Variants in HMGCLL1 observed in about 807,000 individuals in gnomAD.
HMGCLL1 encodes 3-hydroxymethyl-3-methylglutaryl-CoA lyase, cytoplasmic.
HMGCLL1 carries 36 observed loss-of-function variants against 39.1 expected under a neutral mutation model. The ratio of observed to expected loss-of-function variants is 0.92; its 90% CI spans 0.71 to 1.22. The LOEUF (loss-of-function observed/expected upper bound fraction) is 1.22. Among genes scored for constraint, HMGCLL1 ranks in the 50% most tolerant of loss-of-function variants. The pLI is 0.00. For missense variants in HMGCLL1, 451 were observed against 416.5 expected, an observed-to-expected ratio of 1.08 and a Z score of -0.72; for synonymous variants, 149 against 144.0, an observed-to-expected ratio of 1.03 and a Z score of -0.25.
At chr6:55,577,512 G>A (rs934268132) in intron 1 of HMGCLL1, among the ~76,000 whole-genome samples, 11 of 152,114 alleles carry the variant, frequency 7.2e-5, no homozygotes, top group East Asian at 1.9e-4. Context: ...TTTATTTCTC[G>A]GGAATCCTAG....
chr6:55,633,619 G>A, the HMGCLL1 span, among the ~76,000 whole-genome samples: 1 of 151,888 alleles, frequency 6.6e-6, no homozygotes, highest in Admixed American at 6.6e-5. Flanking sequence ...CAGACATCAG[G>A]GAATCACTGT....
At chr6:55,632,444 T>C in the HMGCLL1 span, among the ~76,000 whole-genome samples, 2 of 150,768 alleles carry the variant, frequency 1.3e-5, no homozygotes, top group East Asian at 3.9e-4. Flanking sequence ...TATAAATATG[T>C]TTCATATAAA....
At chr6:55,605,868 C>A in the HMGCLL1 span, among the ~76,000 whole-genome samples, 11 of 152,202 alleles carry the variant, frequency 7.2e-5, no homozygotes, top group East Asian at 1.9e-4. Context: ...GTTACGTAGA[C>A]CTTAGGGCCA....
At chr6:55,472,040 C>T (rs78468606) in intron 7 of HMGCLL1, among the ~76,000 whole-genome samples, 2 of 151,588 alleles carry the variant, frequency 1.3e-5, no homozygotes, top group Non-Finnish European at 3.0e-5. Flanking sequence ...AATCTATGTA[C>T]AAATTTTATT....
intron 3 of HMGCLL1, among the ~76,000 whole-genome samples, chr6:55,517,561 T>C (rs1367294470): frequency 6.6e-6 from 1 of 152,022 alleles, no homozygotes; most frequent in Non-Finnish European, 1.5e-5. Flanking sequence ...TTTCTTTATA[T>C]AACTTGGTTT....
intron 7 of HMGCLL1, among the ~76,000 whole-genome samples, chr6:55,460,040 C>T (rs1232781498): frequency 6.6e-6 from 1 of 151,930 alleles, no homozygotes; most frequent in Non-Finnish European, 1.5e-5. Flanking sequence ...TGTTATTGCT[C>T]AGTATTTTAG....
the HMGCLL1 span, among the ~76,000 whole-genome samples, chr6:55,590,446 C>T: frequency 1.3e-5 from 2 of 152,112 alleles, no homozygotes; most frequent in South Asian, 4.1e-4. Context: ...ACCATAAAAG[C>T]CCTAGAAGAA....
At chr6:55,505,566 G>A (rs1466652287) in intron 5 of HMGCLL1, among the ~76,000 whole-genome samples, 2 of 151,568 alleles carry the variant, frequency 1.3e-5, no homozygotes, top group Non-Finnish European at 3.0e-5. Flanking sequence ...GCATCCAGGA[G>A]TAATTCTGCT....
intron 7 of HMGCLL1, among the ~76,000 whole-genome samples, chr6:55,486,434 C>T (rs952411955): frequency 4.6e-5 from 7 of 151,864 alleles, no homozygotes; most frequent in African/African-American, 1.2e-4. Context: ...CACAATATTT[C>T]GGGGGGCAAC....
the HMGCLL1 span, among the ~76,000 whole-genome samples, chr6:55,650,090 CATATATATATAT>C: frequency 0.19 from 9,780 of 52,070 alleles, 956 homozygotes; most frequent in African/African-American, 0.25. Flanking sequence ...CACACATATA[CATATATATATAT>C]ATATATATAT....
intron 7 of HMGCLL1, among the ~76,000 whole-genome samples, chr6:55,488,636 G>GA (rs894623454): frequency 5.3e-5 from 8 of 151,216 alleles, no homozygotes; most frequent in East Asian, 1.9e-4. Context: ...TAAGTAAATG[G>GA]AAAAAAAACT....
chr6:55,444,529 T>C (rs769407713), intron 7 of HMGCLL1, among the ~76,000 whole-genome samples: 9 of 151,974 alleles, frequency 5.9e-5, no homozygotes, highest in Non-Finnish European at 1.3e-4. Flanking sequence ...TTTAACTGCA[T>C]GATTAAGGGA....
chr6:55,583,735 G>T (rs1286058760), upstream of HMGCLL1, among the ~76,000 whole-genome samples: 1 of 152,004 alleles, frequency 6.6e-6, no homozygotes, highest in Non-Finnish European at 1.5e-5. Context: ...ATCTTTCATG[G>T]GTTATTGAAA....
At chr6:55,654,484 G>A in the HMGCLL1 span, among the ~76,000 whole-genome samples, 2 of 151,872 alleles carry the variant, frequency 1.3e-5, no homozygotes, top group African/African-American at 4.8e-5. Context: ...CCACCATAAT[G>A]TCATCTATCG....
intron 1 of HMGCLL1, chr6:55,577,031 TCACAC>T: frequency 6.2e-7 from 1 of 1,608,180 alleles, no homozygotes; most frequent in East Asian, 2.2e-5. Flanking sequence ...TCACTCAAAC[TCACAC>T]TAGGAAGAGT....
At chr6:55,471,513 A>G (rs957508103) in intron 7 of HMGCLL1, among the ~76,000 whole-genome samples, 16 of 151,716 alleles carry the variant, frequency 1.1e-4, no homozygotes, top group Non-Finnish European at 2.1e-4. Flanking sequence ...ATCTTTACCA[A>G]CATTAGATAC....
chr6:55,499,177 T>C, intron 6 of HMGCLL1, 59 bp downstream of exon 6: 2 of 1,348,426 alleles, frequency 1.5e-6, no homozygotes, highest in Non-Finnish European at 2.1e-6. Context: ...GAAAGCCCCC[T>C]TTTAAAAATA....
At chr6:55,486,380 A>G (rs1766029399) in intron 7 of HMGCLL1, among the ~76,000 whole-genome samples, 1 of 152,080 alleles carries the variant, frequency 6.6e-6, no homozygotes, top group Non-Finnish European at 1.5e-5. Context: ...GCCTTCCAGA[A>G]GTCTACTTGC....
At chr6:55,516,304 C>T (rs1308581433) in intron 4 of HMGCLL1, among the ~76,000 whole-genome samples, 9 of 152,042 alleles carry the variant, frequency 5.9e-5, no homozygotes, top group Admixed American at 2.0e-4. Flanking sequence ...GATTTTTGAA[C>T]GGTGAAGCTG....
Sources: gnomAD v4.1 joint callset for allele counts (sites outside exome capture counted in the v4.1 genomes callset) on GRCh38, gnomAD v4.1.1 for gene constraint, MANE v1.5 for transcripts, NCBI Gene and HGNC (gene_info 2026-07-23, HGNC 2026-07-21) for gene names.